Variants in MGMT observed in about 807,000 individuals in gnomAD.
The protein encoded by MGMT is methylated-DNA--protein-cysteine methyltransferase.
Under a neutral mutation model 15.9 loss-of-function variants are expected in MGMT, and 14 were observed. The ratio of observed to expected loss-of-function variants is 0.88; its 90% CI spans 0.58 to 1.37. MGMT has a LOEUF of 1.37. Ranked by LOEUF, MGMT falls within the 40% of genes most tolerant of loss-of-function variation. MGMT has a pLI of 0.00. For missense variants in MGMT, 282 were observed against 268.1 expected, an observed-to-expected ratio of 1.05 and a Z score of -0.36; for synonymous variants, 130 against 118.2, an observed-to-expected ratio of 1.10 and a Z score of -0.65.
intron 2 of MGMT, among the ~76,000 whole-genome samples, chr10:129,646,754 A>ATATATATATATATATTTTTTT: frequency 2.3e-5 from 2 of 86,676 alleles, no homozygotes; most frequent in Non-Finnish European, 5.1e-5. Context: ...ATATATATAT[A>ATATATATATATATATTTTTTT]TTTTCAGGGA....
At chr10:129,612,090 G>A (rs184829754) in intron 2 of MGMT, among the ~76,000 whole-genome samples, 35 of 152,178 alleles carry the variant, frequency 2.3e-4, no homozygotes, top group Non-Finnish European at 4.6e-4. Flanking sequence ...CCAGAAAGGC[G>A]GGACACCTTG....
At chr10:129,497,433 C>T (rs1845533415) in intron 1 of MGMT, among the ~76,000 whole-genome samples, 3 of 152,140 alleles carry the variant, frequency 2.0e-5, no homozygotes, top group East Asian at 1.9e-4. Context: ...CAGATTAGAC[C>T]CTGCATGTAC....
intron 4 of MGMT, among the ~76,000 whole-genome samples, chr10:129,762,012 C>T (rs1478863660): frequency 6.6e-6 from 1 of 152,194 alleles, no homozygotes; most frequent in Non-Finnish European, 1.5e-5. Context: ...TTAGAAACCT[C>T]ATTAGAATGG....
At chr10:129,551,537 C>T (rs1846156631) in intron 2 of MGMT, among the ~76,000 whole-genome samples, 1 of 152,140 alleles carries the variant, frequency 6.6e-6, no homozygotes, top group African/African-American at 2.4e-5. Flanking sequence ...CCCTCATCCC[C>T]AGTCTGACAA....
chr10:129,526,789 C>T (rs541396678), intron 1 of MGMT, among the ~76,000 whole-genome samples: 7 of 152,204 alleles, frequency 4.6e-5, no homozygotes, highest in Non-Finnish European at 7.3e-5. Flanking sequence ...TGCAGCAGGC[C>T]TGGAAAACGA....
intron 3 of MGMT, among the ~76,000 whole-genome samples, chr10:129,737,875 G>T (rs992741943): frequency 2.0e-5 from 3 of 152,196 alleles, no homozygotes; most frequent in African/African-American, 7.2e-5. Context: ...TGAGGGTCAG[G>T]GGTCAGGGAC....
chr10:129,553,185 G>C, intron 2 of MGMT, among the ~76,000 whole-genome samples: 1 of 152,190 alleles, frequency 6.6e-6, no homozygotes, highest in East Asian at 1.9e-4. Flanking sequence ...AATATCCTCT[G>C]ATATTTTGGG....
chr10:129,474,317 G>A (rs1215386949), intron 1 of MGMT, among the ~76,000 whole-genome samples: 1 of 152,202 alleles, frequency 6.6e-6, no homozygotes, highest in African/African-American at 2.4e-5. Flanking sequence ...CAGGATGGTG[G>A]CAGCAGGCCT....
chr10:129,549,377 T>C (rs527314370), intron 2 of MGMT, among the ~76,000 whole-genome samples: 119 of 152,352 alleles, frequency 7.8e-4, no homozygotes, highest in Non-Finnish European at 1.5e-3. Flanking sequence ...AGCAGTAAAC[T>C]GGCTTCTGGA....
intron 2 of MGMT, among the ~76,000 whole-genome samples, chr10:129,597,764 T>A (rs2133058723): frequency 6.6e-6 from 1 of 152,326 alleles, no homozygotes; most frequent in South Asian, 2.1e-4. Flanking sequence ...AGTAGAGACC[T>A]CACAGGCCTT....
chr10:129,497,200 C>G (rs968511462), intron 1 of MGMT, among the ~76,000 whole-genome samples: 5 of 152,170 alleles, frequency 3.3e-5, no homozygotes, highest in African/African-American at 1.2e-4. Context: ...CGTACCACTC[C>G]CCCGTCTCTG....
At chr10:129,703,815 A>T (rs1404220337) in intron 2 of MGMT, among the ~76,000 whole-genome samples, 4 of 152,008 alleles carry the variant, frequency 2.6e-5, no homozygotes, top group African/African-American at 9.7e-5. Context: ...CATCCCTCGA[A>T]CCCTGAAGGA....
chr10:129,501,676 G>C (rs182272621), intron 1 of MGMT, among the ~76,000 whole-genome samples: 3 of 152,198 alleles, frequency 2.0e-5, no homozygotes, highest in Non-Finnish European at 2.9e-5. Context: ...TGCCGCAGGT[G>C]ATGATTTTAA....
intron 2 of MGMT, among the ~76,000 whole-genome samples, chr10:129,667,348 T>C (rs954218092): frequency 7.9e-5 from 12 of 152,238 alleles, no homozygotes; most frequent in Non-Finnish European, 7.3e-5. Flanking sequence ...GCTTGTACTT[T>C]TTGTTAACTG....
Position 129,583,899 on chromosome 10 carries a change from A to G in MGMT, c.125+47522A>G, listed in dbSNP as rs187140388. 2.3e-3 allele frequency among the ~76,000 whole-genome samples: 346 copies of G among 152,144 alleles called. 1 individual carries two copies. The highest frequency in any genetic ancestry group is 8.0e-3 in the African/African-American group (332 of 41,486). ...AGGAGACAGATGGGCCATACAGTCT[A>G]TGTGTGGGTGCCTTGGTGTGGGACA... is the stretch of plus-strand genomic sequence containing the variant. On this transcript the variant is annotated intron_variant, in intron 2 of 4. Coordinates refer to ENST00000651593, the MANE Select transcript of MGMT (RefSeq NM_002412.5).
At chr10:129,745,863 G>T (rs1848688917) in intron 3 of MGMT, among the ~76,000 whole-genome samples, 1 of 152,098 alleles carries the variant, frequency 6.6e-6, no homozygotes, top group South Asian at 2.1e-4. Flanking sequence ...ATATATTCTG[G>T]ATAGGATAGG....
At chr10:129,478,851 C>A (rs539118863) in intron 1 of MGMT, among the ~76,000 whole-genome samples, 2 of 151,316 alleles carry the variant, frequency 1.3e-5, no homozygotes, top group South Asian at 4.1e-4. Flanking sequence ...GATTTCAGTT[C>A]TTCGTTATCT....
In MGMT at chr10:129,594,171, G is replaced by C. The variant is rs1284552735; in HGVS notation, c.125+57794G>C. ...GAGGTCTGGCTGATGCATGAGGCTA[G>C]AAACAGCCATTCATTTGGAAGAGGG... On this transcript the variant is annotated intron_variant, in intron 2 of 4. Transcript: ENST00000651593. Among the ~76,000 whole-genome samples, 9 of 152,302 alleles carry C rather than the reference G, an allele frequency of 5.9e-5. No homozygotes were observed. The East Asian group carries it at 1.7e-3, about 29-fold the overall frequency.
Position 129,536,346 on chromosome 10 carries a change from A to T in MGMT, c.94A>T (p.Lys32Ter). 1 of 1,614,088 alleles carries T rather than the reference A, an allele frequency of 6.2e-7. No homozygotes were observed. Among genetic ancestry groups the T allele is most frequent in the Non-Finnish European group, 8.5e-7 (1 of 1,180,008 alleles). ...TTGTGAGCAGGGTCTGCACGAAATA[A>T]AGCTCCTGGGCAAGGGGACGTCTGC... Reference protein sequence around the residue: ...SGCEQGLHEIKLLGKGTSAAD... With the variant: ...SGCEQGLHEI Residue 32 changes from lysine to a stop codon, truncating the protein, a stop_gained, in exon 2 of 5, where the codon AAG (lysine) becomes TAG (stop). Coordinates refer to ENST00000651593, the MANE Select transcript of MGMT (RefSeq NM_002412.5). LOFTEE classifies it high-confidence loss of function.
Sources: gnomAD v4.1 joint callset for allele counts (sites outside exome capture counted in the v4.1 genomes callset) on GRCh38, gnomAD v4.1.1 for gene constraint, MANE v1.5 for transcripts, NCBI Gene and HGNC (gene_info 2026-07-23, HGNC 2026-07-21) for gene names.